Variants in HECTD4 observed in about 807,000 individuals in gnomAD.
HECTD4 encodes HECT domain E3 ubiquitin protein ligase 4, also known as probable E3 ubiquitin-protein ligase HECTD4.
A neutral mutation model predicts 471.5 loss-of-function variants in HECTD4; 114 were observed. That is an observed-to-expected ratio of 0.24 (90% CI 0.21 to 0.28). HECTD4 has a LOEUF of 0.28. Among genes scored for constraint, HECTD4 ranks in the 10% least tolerant of loss-of-function variants. The probability of loss-of-function intolerance (pLI) is 1.00; values close to 1 mark genes in which losing one functional copy is unlikely to be tolerated. For missense variants in HECTD4, 3,866 were observed against 5,651.5 expected, an observed-to-expected ratio of 0.68 and a Z score of 10.13; for synonymous variants, 2,012 against 2,256.0, an observed-to-expected ratio of 0.89 and a Z score of 3.07.
Position 112,163,059 on chromosome 12 carries a change from G to C in HECTD4, c.13103C>G (p.Pro4368Arg). The change falls in exon 75 of 76, where the codon CCC becomes CGC. Residue 4368 changes from proline to arginine, a missense_variant. Pro to Arg is a moderately radical substitution (Grantham distance 103, BLOSUM62 -2). Around this residue, in one of 16 missense-constraint regions of HECTD4, gnomAD observed 715 missense variants for 1,087.6 expected, o/e 0.66. Coordinates refer to ENST00000682272, the MANE Select transcript of HECTD4 (RefSeq NM_001388303.1). The surrounding 1 kb of genome is among the most constrained non-coding windows in gnomAD (Gnocchi z 8.2). Reference sequence around the variant, plus strand: ...GGCGGTACCTGCTGTGCCATCTGGGGGGGCGATCTTCATGGGGTACGGGGG... The same window carrying C: ...GGCGGTACCTGCTGTGCCATCTGGGCGGGCGATCTTCATGGGGTACGGGGG... The part of the protein sequence containing the change: ...HVPPYPMKIA[P>R]PDGTAGSPDS... 6.2e-7 allele frequency: 1 copy of C among 1,611,886 alleles called. No individual in the cohort carries two copies. The highest frequency in any genetic ancestry group is 8.5e-7 in the Non-Finnish European group (1 of 1,178,508).
At chr12:112,177,164 G>C (rs2031479090) in intron 64 of HECTD4, among the ~76,000 whole-genome samples, 1 of 151,988 alleles carries the variant, frequency 6.6e-6, no homozygotes, top group Admixed American at 6.6e-5. Flanking sequence ...AAGTACTATG[G>C]GACAGTGCTG....
chr12:112,365,171 AAATT>A (rs1303090663), intron 1 of HECTD4, among the ~76,000 whole-genome samples: 2 of 152,246 alleles, frequency 1.3e-5, no homozygotes, highest in African/African-American at 4.8e-5. Context: ...TAAACAGATA[AAATT>A]AATTCTAGTA....
At chr12:112,290,532 T>A (rs945038685) in intron 7 of HECTD4, among the ~76,000 whole-genome samples, 2 of 151,026 alleles carry the variant, frequency 1.3e-5, no homozygotes, top group African/African-American at 4.9e-5. Flanking sequence ...TCTCAAAAAA[T>A]AATAATAATA....
chr12:112,208,773 G>T, intron 50 of HECTD4, 143 bp from the exon 51 acceptor site: 1 of 578,842 alleles, frequency 1.7e-6, no homozygotes. Context: ...AAATCACAGA[G>T]TCTAGGAATA....
chr12:112,238,602 C>T (rs1038923635), intron 34 of HECTD4, among the ~76,000 whole-genome samples: 9 of 152,014 alleles, frequency 5.9e-5, no homozygotes, highest in Non-Finnish European at 5.9e-5. Context: ...ATGGTGAGTG[C>T]GCCTATAGTC....
chr12:112,192,701 G>T lies in HECTD4; in HGVS notation c.9151C>A (p.Arg3051=), dbSNP rs1162888340. ...TCGATGAGGTTCAGCTGGCCATTTC[G>T]CTTCACTTTGTGGCCGAGGCCATAT... The part of the protein sequence containing the change: ...LVYGLGHKVK[R]NGQLNLIEAA... Residue 3051 remains arginine (R), a synonymous_variant, in exon 59 of 76, where the codon CGA becomes AGA. Transcript: ENST00000682272. 1.9e-6 allele frequency: 3 copies of T among 1,600,802 alleles called. No individual in the cohort carries two copies.
intron 48 of HECTD4, among the ~76,000 whole-genome samples, chr12:112,215,694 T>TAGTG (rs1376627531): frequency 6.6e-6 from 1 of 152,148 alleles, no homozygotes; most frequent in African/African-American, 2.4e-5. Context: ...GGCTGGAGTG[T>TAGTG]AGTGGTATGA....
chr12:112,315,862 C>A (rs2035467515), intron 2 of HECTD4, among the ~76,000 whole-genome samples: 1 of 142,222 alleles, frequency 7.0e-6, no homozygotes, highest in African/African-American at 2.7e-5. Context: ...CACCACTGCA[C>A]TCCAGCCTAG....
At chr12:112,258,473 T>C in intron 20 of HECTD4, 23 bp downstream of exon 20, 1 of 1,521,646 alleles carries the variant, frequency 6.6e-7, no homozygotes, top group Non-Finnish European at 8.8e-7. Context: ...AAAGGGTTCC[T>C]GCAAGGAAGC....
Position 112,184,276 on chromosome 12 carries a change from C to A in HECTD4, c.10690G>T (p.Val3564Leu), listed in dbSNP as rs907472911. 32 of 1,613,436 alleles carry A rather than the reference C, an allele frequency of 2.0e-5. No individual in the cohort carries two copies. Among genetic ancestry groups the A allele is most frequent in the Non-Finnish European group, 2.7e-5 (32 of 1,179,884 alleles). ...EPLDNAETAS[V>L]SDMGSMYTVT... ...GTGTACATGGAGCCCATGTCCGACA[C>A]CGAGGCCGTCTCTGCATTGTCCAGG... is the stretch of plus-strand genomic sequence containing the variant. The change falls in exon 61 of 76, where the codon GTG becomes TTG. Residue 3564 changes from valine to leucine, a missense_variant. Around this residue, in one of 16 missense-constraint regions of HECTD4, gnomAD observed 192 missense variants for 189.9 expected, o/e 1.01. Coordinates refer to ENST00000682272, the MANE Select transcript of HECTD4 (RefSeq NM_001388303.1). The surrounding 1 kb of genome is among the most constrained non-coding windows in gnomAD (Gnocchi z 9.1).
rs869244608 is a variant in HECTD4 at position 112,173,980 on chromosome 12, CT to C, written c.11595-1120del. Reference sequence around the variant, plus strand: ...TTTGGTAGCCATTTTCTTTCCTTTTCTTTTTTTTTTTTTTGAGTTGGAGTTT... The same window carrying C: ...TTTGGTAGCCATTTTCTTTCCTTTTCTTTTTTTTTTTTTGAGTTGGAGTTT... On this transcript the variant is annotated intron_variant, in intron 66 of 75. Coordinates refer to ENST00000682272, the MANE Select transcript of HECTD4 (RefSeq NM_001388303.1). The surrounding 1 kb of genome is among the most constrained non-coding windows in gnomAD (Gnocchi z 4.3). Among the ~76,000 whole-genome samples, 835 of 141,156 alleles carry C rather than the reference CT, an allele frequency of 5.9e-3. 1 individual carries two copies. The highest frequency in any genetic ancestry group is 0.014 in the African/African-American group (557 of 38,788). 92.6% of individuals were successfully genotyped at this position (141,156 alleles called of 152,430 possible).
intron 1 of HECTD4, among the ~76,000 whole-genome samples, chr12:112,323,977 C>T (rs202004387): frequency 0.063 from 1,412 of 22,498 alleles, 96 homozygotes; most frequent in East Asian, 0.32. Flanking sequence ...TTCCTTCCTT[C>T]CTTCCTTCCT....
intron 65 of HECTD4, among the ~76,000 whole-genome samples, 200 bp downstream of exon 65, chr12:112,176,396 G>A (rs1045177065): frequency 2.0e-5 from 3 of 152,266 alleles, no homozygotes. Flanking sequence ...ATCGAGGGGC[G>A]ATCCCTGGCC....
At chr12:112,377,139 A>T (rs1413900560) in intron 1 of HECTD4, among the ~76,000 whole-genome samples, 1 of 152,048 alleles carries the variant, frequency 6.6e-6, no homozygotes, top group Non-Finnish European at 1.5e-5. Flanking sequence ...AAAATAAGAT[A>T]AAATAAAACA....
In HECTD4 at chr12:112,228,371, A is replaced by G. The variant is rs1392075116; in HGVS notation, c.6685-113T>C. On this transcript the variant is annotated intron_variant, in intron 42 of 75. Transcript: ENST00000682272. The surrounding 1 kb of genome is among the most constrained non-coding windows in gnomAD (Gnocchi z 4.9). ...TTCTTAAATTTTCAGTTAAAAAAATAAAATCACCATACAGAAAACTACAAA... is the reference window on the plus strand; with the variant it reads ...TTCTTAAATTTTCAGTTAAAAAAATGAAATCACCATACAGAAAACTACAAA... 7 of 1,170,146 alleles carry G rather than the reference A, an allele frequency of 6.0e-6. No individual in the cohort carries two copies. Among genetic ancestry groups the G allele is most frequent in the African/African-American group, 4.8e-5 (3 of 62,450 alleles). The allele number at this position is 1,170,146 out of a possible 1,614,324, so 72.5% of individuals were successfully genotyped here. A position where few individuals can be genotyped will look rare whatever the true frequency, so the allele number is the denominator to read the frequency against.
chr12:112,270,368 G>T lies in HECTD4; in HGVS notation c.2034C>A (p.Asn678Lys). 3 of 1,614,030 alleles carry T rather than the reference G, an allele frequency of 1.9e-6. No homozygotes were observed. Among genetic ancestry groups the T allele is most frequent in the Non-Finnish European group, 2.5e-6 (3 of 1,179,910 alleles). The change falls in exon 12 of 76, where the codon AAC (asparagine) becomes AAA (lysine). Residue 678 changes from asparagine to lysine, a missense_variant. This residue lies in a region of HECTD4 where 525 missense variants were observed against 672.6 expected (regional missense o/e 0.78). Coordinates refer to ENST00000682272, the MANE Select transcript of HECTD4 (RefSeq NM_001388303.1). ...CIHQLNLLAT[N>K]PNLPITSVLG... Reference sequence around the variant, plus strand: ...AGACACTTGTGATTGGAAGATTGGGGTTGGTGGCAAGAAGATTGAGTTGGT... The same window carrying T: ...AGACACTTGTGATTGGAAGATTGGGTTTGGTGGCAAGAAGATTGAGTTGGT...
chr12:112,169,551 T>C lies in HECTD4; in HGVS notation c.12160A>G (p.Thr4054Ala). 20 of 1,613,450 alleles carry C rather than the reference T, an allele frequency of 1.2e-5. No homozygotes were observed. The highest frequency in any genetic ancestry group is 1.7e-5 in the Non-Finnish European group (20 of 1,179,850). ...GTGAAGCGGATGTTGAAGGCATATG[T>C]GGGGTCACCGCCACTGGCCAGCTTG... ...CVKLASGGDP[T>A]YAFNIRFTGE... The change falls in exon 70 of 76, where the codon ACA (threonine) becomes GCA (alanine). Residue 4054 changes from threonine to alanine, a missense_variant. This residue lies in a region of HECTD4 where 715 missense variants were observed against 1,087.6 expected (regional missense o/e 0.66). Transcript: ENST00000682272.
At chr12:112,378,176 G>T (rs1246292982) in intron 1 of HECTD4, among the ~76,000 whole-genome samples, 1 of 151,852 alleles carries the variant, frequency 6.6e-6, no homozygotes, top group Non-Finnish European at 1.5e-5. Context: ...CTAAAATGAG[G>T]GACATTATTA....
At chr12:112,209,280 CTGTTT>C (rs2032688131) in intron 50 of HECTD4, among the ~76,000 whole-genome samples, 1 of 151,444 alleles carries the variant, frequency 6.6e-6, no homozygotes, top group Non-Finnish European at 1.5e-5. Context: ...CTTTGGTGAG[CTGTTT>C]TATTTAATTT....
Sources: gnomAD v4.1 joint callset for allele counts (sites outside exome capture counted in the v4.1 genomes callset) on GRCh38, gnomAD v4.1.1 for gene constraint, gnomAD v4.1.1 regional missense constraint, Gnocchi (gnomAD v3.1) non-coding constraint, MANE v1.5 for transcripts, NCBI Gene and HGNC (gene_info 2026-07-23, HGNC 2026-07-21) for gene names.